STKLD1: variants seen among roughly 807,000 people sequenced by gnomAD.
STKLD1 encodes the protein serine/threonine kinase-like domain-containing protein STKLD1.
STKLD1 carries 79 observed loss-of-function variants against 80.4 expected under a neutral mutation model. That is an observed-to-expected ratio of 0.98 (90% CI 0.82 to 1.19). STKLD1 has a LOEUF of 1.19. STKLD1 is among the 50% of genes most tolerant of loss of function. The pLI is 0.00. For missense variants in STKLD1, 841 were observed against 856.0 expected (o/e 0.98, Z 0.22); for synonymous variants, 393 against 357.6 (o/e 1.10, Z -1.12).
In STKLD1 at chr9:133,398,057, T is replaced by A; in HGVS notation, c.1081+2T>A. On this transcript the variant is annotated splice_donor_variant, in intron 11 of 17. Coordinates refer to ENST00000371957, the MANE Select transcript of STKLD1 (RefSeq NM_153710.5). LOFTEE classifies it high-confidence loss of function. Reference sequence around the variant, plus strand: ...TGAAAATGCCTGCAGATCAGCTAGGTAGGCCCCACCCTGCACCCCTTTCCC... The same window carrying A: ...TGAAAATGCCTGCAGATCAGCTAGGAAGGCCCCACCCTGCACCCCTTTCCC... 1 of 1,613,090 alleles carries A rather than the reference T, an allele frequency of 6.2e-7. No individual in the cohort carries two copies. Among genetic ancestry groups the A allele is most frequent in the South Asian group, 1.1e-5 (1 of 90,986 alleles).
intron 11 of STKLD1, among the ~76,000 whole-genome samples, chr9:133,399,848 C>G (rs587715582): frequency 6.8e-6 from 1 of 147,628 alleles, no homozygotes. Flanking sequence ...CACTGCACAA[C>G]GGCCTAGGCG....
chr9:133,383,595 G>A (rs955629596), intron 2 of STKLD1, among the ~76,000 whole-genome samples: 5 of 21,444 alleles, frequency 2.3e-4, no homozygotes, highest in African/African-American at 7.9e-4. Flanking sequence ...GTTGATGGTG[G>A]TGGTGATGGA....
Position 133,390,819 on chromosome 9 carries a change from G to A in STKLD1, c.583+23G>A, listed in dbSNP as rs921487463. On this transcript the variant is annotated intron_variant, in intron 7 of 17. Transcript: ENST00000371957. The surrounding 1 kb of genome is among the most constrained non-coding windows in gnomAD (Gnocchi z 5.1). The stretch of plus-strand genomic sequence containing the variant: ...AAGGTGGCAGGGGCTCCCCCAGGTT[G>A]TGGGAGAGGGGGTTGGCGCCTAGAA... 6.3e-7 allele frequency: 1 copy of A among 1,589,920 alleles called. No homozygotes were observed. Among genetic ancestry groups the A allele is most frequent in the Non-Finnish European group, 8.6e-7 (1 of 1,160,642 alleles).
In STKLD1 at chr9:133,389,518, TC is replaced by T. The variant is rs2130284237; in HGVS notation, c.397-3del. 6.2e-6 allele frequency: 10 copies of T among 1,612,602 alleles called. No individual in the cohort carries two copies. Among genetic ancestry groups the T allele is most frequent in the African/African-American group, 1.3e-5 (1 of 74,802 alleles). Reference sequence around the variant, plus strand: ...CTCCCATCCTGGCACCCCCTACTTCTCCCCCAGTGGATGCAGAATGTGCTGG... The same window carrying T: ...CTCCCATCCTGGCACCCCCTACTTCTCCCCAGTGGATGCAGAATGTGCTGG... On this transcript the variant is annotated splice_region_variant and splice_polypyrimidine_tract_variant and intron_variant, in intron 5 of 17. Coordinates refer to ENST00000371957, the MANE Select transcript of STKLD1 (RefSeq NM_153710.5). This position sits in a 1 kb window ranked among gnomAD's most constrained non-coding sequence, Gnocchi z 6.4.
At chr9:133,376,733 C>T (rs1397323546) in intron 1 of STKLD1, among the ~76,000 whole-genome samples, 173 bp downstream of exon 1, 1 of 152,220 alleles carries the variant, frequency 6.6e-6, no homozygotes, top group African/African-American at 2.4e-5. Context: ...CTCCTGGGTG[C>T]CCTTTGCCAC....
At chr9:133,399,249 T>C (rs953175421) in intron 11 of STKLD1, among the ~76,000 whole-genome samples, 1 of 152,132 alleles carries the variant, frequency 6.6e-6, no homozygotes, top group African/African-American at 2.4e-5. Flanking sequence ...TATCCATCCA[T>C]CCACCCATCC....
Position 133,385,689 on chromosome 9 carries a change from GA to G in STKLD1, c.293del (p.Glu98GlyfsTer10). 6.2e-7 allele frequency: 1 copy of G among 1,613,102 alleles called. No individual in the cohort carries two copies. The highest frequency in any genetic ancestry group is 8.5e-7 in the Non-Finnish European group (1 of 1,179,948). ...YQELFITWNG[E>X]ISSLYLCLVM... is the part of the protein sequence containing the mutation. ...GGAGCTGTTCATCACGTGGAATGGG[GA>G]GGTGGGTCAGAGCTGACACCTACGG... is the stretch of plus-strand genomic sequence containing the variant. On this transcript the variant is annotated frameshift_variant and splice_region_variant, in exon 4 of 18. Coordinates refer to ENST00000371957, the MANE Select transcript of STKLD1 (RefSeq NM_153710.5). LOFTEE classifies it high-confidence loss of function. The surrounding 1 kb of genome is among the most constrained non-coding windows in gnomAD (Gnocchi z 4.9).
intron 4 of STKLD1, among the ~76,000 whole-genome samples, chr9:133,386,931 G>A (rs183194829): frequency 6.6e-6 from 1 of 152,220 alleles, no homozygotes; most frequent in Non-Finnish European, 1.5e-5. Context: ...TTGGGGAGGG[G>A]ACCTCACTGC....
At chr9:133,378,223 C>G (rs1487448365) in intron 1 of STKLD1, among the ~76,000 whole-genome samples, 1 of 152,220 alleles carries the variant, frequency 6.6e-6, no homozygotes, top group African/African-American at 2.4e-5. Flanking sequence ...GCTCACAAGG[C>G]TGGATTACAG....
Position 133,389,517 on chromosome 9 carries a change from C to A in STKLD1, c.397-9C>A, listed in dbSNP as rs2130284220. The A allele has an allele frequency of 1.2e-6, 2 of 1,613,064 alleles. No homozygotes were observed. Among genetic ancestry groups the A allele is most frequent in the African/African-American group, 1.3e-5 (1 of 75,050 alleles). On this transcript the variant is annotated splice_polypyrimidine_tract_variant and intron_variant, in intron 5 of 17. Coordinates refer to ENST00000371957, the MANE Select transcript of STKLD1 (RefSeq NM_153710.5). This position sits in a 1 kb window ranked among gnomAD's most constrained non-coding sequence, Gnocchi z 6.4. The stretch of plus-strand genomic sequence containing the variant: ...CCTCCCATCCTGGCACCCCCTACTT[C>A]TCCCCCAGTGGATGCAGAATGTGCT...
intron 4 of STKLD1, among the ~76,000 whole-genome samples, chr9:133,386,061 GGCGCGTGCCATGAT>G (rs1838258263): frequency 1.3e-5 from 2 of 152,144 alleles, no homozygotes; most frequent in Non-Finnish European, 2.9e-5. Context: ...CAGGATTACA[GGCGCGTGCCATGAT>G]GCCCGGCTAA....
chr9:133,381,693 G>A (rs2130266865), intron 2 of STKLD1, among the ~76,000 whole-genome samples: 185 of 152,080 alleles, frequency 1.2e-3, no homozygotes, highest in African/African-American at 4.1e-3. Flanking sequence ...CAGGTGATCC[G>A]CCTGCCTCGG....
chr9:133,394,396 G>A lies in STKLD1; in HGVS notation c.689G>A (p.Cys230Tyr), dbSNP rs1031983831. The A allele has an allele frequency of 5.6e-6, 9 of 1,612,420 alleles. No individual in the cohort carries two copies. In the African/African-American group the frequency reaches 9.3e-5, roughly 17 times the overall value. Residue 230 changes from cysteine to tyrosine, a missense_variant, in exon 8 of 18, where the codon TGC becomes TAC. Physicochemically the swap from Cys to Tyr is radical, Grantham distance 194. Coordinates refer to ENST00000371957, the MANE Select transcript of STKLD1 (RefSeq NM_153710.5). This position sits in a 1 kb window ranked among gnomAD's most constrained non-coding sequence, Gnocchi z 4.9. ...TGCATCATTCTGGACATGACCAGCT[G>A]CTCCTTCATGGATGTGAGCCGCCCT... ...LGCIILDMTSCSFMDGTEAMH... is the reference protein window; with the variant it reads ...LGCIILDMTSYSFMDGTEAMH...
Position 133,385,825 on chromosome 9 carries a change from GC to G in STKLD1, c.294+136del. ...GGCAATGGCAGTGACTGTAAACGTG[GC>G]CACCCCTGACCTAACACTCACTGGG... On this transcript the variant is annotated intron_variant, in intron 4 of 17. Transcript: ENST00000371957. The surrounding 1 kb of genome is among the most constrained non-coding windows in gnomAD (Gnocchi z 4.9). The G allele has an allele frequency of 1.3e-6, 1 of 784,668 alleles. No homozygotes were observed. Among genetic ancestry groups the G allele is most frequent in the Non-Finnish European group, 2.1e-6 (1 of 481,224 alleles). 48.6% of individuals were successfully genotyped at this position (784,668 alleles called of 1,614,324 possible).
At chr9:133,404,989 C>T in intron 17 of STKLD1, 60 bp downstream of exon 17, 1 of 1,580,092 alleles carries the variant, frequency 6.3e-7, no homozygotes, top group Non-Finnish European at 8.6e-7. Flanking sequence ...TGCCCCGCTC[C>T]CCCTATAACT....
rs587638358 is a variant in STKLD1 at position 133,398,115 on chromosome 9, G to A, written c.1081+60G>A. The A allele has an allele frequency of 6.7e-5, 102 of 1,526,100 alleles. 1 individual carries two copies. The highest frequency in any genetic ancestry group is 3.8e-4 in the African/African-American group (28 of 73,246). The allele number at this position is 1,526,100 out of a possible 1,614,324, so 94.5% of individuals were successfully genotyped here. ...CCCCTAGGGGCAGAAGCTATGGTCC[G>A]GCCTGTGGGGAGCTGAGGCTGGCCC... is the stretch of plus-strand genomic sequence containing the variant. On this transcript the variant is annotated intron_variant, in intron 11 of 17. Transcript: ENST00000371957.
chr9:133,404,071 G>C (rs782190836), intron 16 of STKLD1, 23 bp downstream of exon 16: 1 of 1,564,508 alleles, frequency 6.4e-7, no homozygotes. Context: ...ACAGGACGAG[G>C]CTGCCACCTA....
chr9:133,387,258 CTGGGAA>C (rs1838284356), intron 4 of STKLD1, among the ~76,000 whole-genome samples, 183 bp from the exon 5 acceptor site: 1 of 151,678 alleles, frequency 6.6e-6, no homozygotes, highest in Admixed American at 6.6e-5. Context: ...GAGGTGGAGC[CTGGGAA>C]TGGGGAGAGG....
intron 12 of STKLD1, among the ~76,000 whole-genome samples, 179 bp downstream of exon 12, chr9:133,400,708 G>C (rs2130685174): frequency 6.6e-6 from 1 of 152,360 alleles, no homozygotes; most frequent in South Asian, 2.1e-4. Flanking sequence ...GGCCAGGCCA[G>C]GAGACACTCC....
Sources: gnomAD v4.1 joint callset for allele counts (sites outside exome capture counted in the v4.1 genomes callset) on GRCh38, gnomAD v4.1.1 for gene constraint, Gnocchi (gnomAD v3.1) non-coding constraint, MANE v1.5 for transcripts, NCBI Gene and HGNC (gene_info 2026-07-23, HGNC 2026-07-21) for gene names.